Variants in ANKIB1 observed in about 807,000 individuals in gnomAD.
ANKIB1 encodes ankyrin repeat and IBR domain-containing protein 1.
A neutral mutation model predicts 122.1 loss-of-function variants in ANKIB1; 43 were observed. The observed-to-expected ratio is 0.35, with a 90% CI of 0.28 to 0.45. The LOEUF is 0.45. Among genes scored for constraint, ANKIB1 ranks in the 20% least tolerant of loss-of-function variants. The pLI is 1.00. For synonymous variants in ANKIB1, 390 were observed against 442.0 expected, an observed-to-expected ratio of 0.88 and a Z score of 1.48; for missense variants, 992 against 1,329.5, an observed-to-expected ratio of 0.75 and a Z score of 3.95.
chr7:92,274,270 T>C (rs558095096), intron 1 of ANKIB1, among the ~76,000 whole-genome samples: 13 of 152,300 alleles, frequency 8.5e-5, no homozygotes, highest in Middle Eastern at 3.4e-3. Flanking sequence ...AGAGTATAGA[T>C]GTAGTCCCTA....
intron 10 of ANKIB1, among the ~76,000 whole-genome samples, chr7:92,367,868 G>C (rs1168389326): frequency 6.6e-6 from 1 of 152,116 alleles, no homozygotes; most frequent in Admixed American, 6.5e-5. Context: ...TAAAAATTCA[G>C]TCTTTGACTA....
intron 3 of ANKIB1, among the ~76,000 whole-genome samples, chr7:92,309,698 G>A (rs185020154): frequency 2.6e-4 from 40 of 151,464 alleles, no homozygotes; most frequent in Admixed American, 2.4e-3. Context: ...AGGCCGAGGC[G>A]GGCAGATCAC....
At chr7:92,324,202 GTTTATT>G (rs1802974614) in intron 4 of ANKIB1, among the ~76,000 whole-genome samples, 1 of 152,146 alleles carries the variant, frequency 6.6e-6, no homozygotes, top group Non-Finnish European at 1.5e-5. Flanking sequence ...CCTTAAAGTG[GTTTATT>G]TTATGTTATG....
intron 1 of ANKIB1, among the ~76,000 whole-genome samples, chr7:92,292,219 A>T (rs981902410): frequency 6.6e-6 from 1 of 152,224 alleles, no homozygotes; most frequent in African/African-American, 2.4e-5. Flanking sequence ...GACCGTTTAG[A>T]TGATGCATTT....
intron 1 of ANKIB1, among the ~76,000 whole-genome samples, chr7:92,248,357 C>T (rs571097899): frequency 1.9e-4 from 29 of 152,214 alleles, no homozygotes; most frequent in African/African-American, 7.0e-4. Flanking sequence ...TTTTGTTAGC[C>T]ACTCTTTTGT....
At chr7:92,299,444 C>A (rs1250388590) in intron 2 of ANKIB1, among the ~76,000 whole-genome samples, 33 of 152,164 alleles carry the variant, frequency 2.2e-4, no homozygotes, top group Admixed American at 2.2e-3. Flanking sequence ...TACACTGCAA[C>A]TAATCTTTAA....
chr7:92,303,721 A>G (rs1802498978), intron 2 of ANKIB1, among the ~76,000 whole-genome samples: 1 of 152,190 alleles, frequency 6.6e-6, no homozygotes, highest in African/African-American at 2.4e-5. Flanking sequence ...CAGGAGGTAA[A>G]TGAAGCAGTT....
In ANKIB1 at chr7:92,246,544, A is replaced by G. The variant is rs116875932; in HGVS notation, c.-91+25A>G. 1.5e-3 allele frequency: 754 copies of G among 516,908 alleles called. No individual in the cohort carries two copies. The highest frequency in any genetic ancestry group is 2.5e-3 in the Non-Finnish European group (641 of 259,260). The allele number at this position is 516,908 out of a possible 1,614,324, so 32.0% of individuals were successfully genotyped here. A position where few individuals can be genotyped will look rare whatever the true frequency, so the allele number is the denominator to read the frequency against. ...CGTAAGTCTCAGCTTCGCGGTACAGATGTGTTTGAGGCTGCCTCTACCCAT... is the reference window on the plus strand; with the variant it reads ...CGTAAGTCTCAGCTTCGCGGTACAGGTGTGTTTGAGGCTGCCTCTACCCAT... On this transcript the variant is annotated intron_variant, in intron 1 of 19. Transcript: ENST00000265742.
Position 92,362,273 on chromosome 7 carries a change from C to T in ANKIB1, c.1486C>T (p.Leu496Phe), listed in dbSNP as rs748799440. ...AATAACCGAAATGAAACCAGAAGAA[C>T]GTAAGAGGAATTTTAGATAGCTTTG... Reference protein sequence around the residue: ...QKITEMKPEELVGVSEAYEDA... With the variant: ...QKITEMKPEEFVGVSEAYEDA... The change falls in exon 10 of 20, where the codon CTT becomes TTT. Residue 496 changes from leucine to phenylalanine, a missense_variant and splice_region_variant. By Grantham distance (22) the Leu-to-Phe change is conservative. Transcript: ENST00000265742. 7.0e-6 allele frequency: 11 copies of T among 1,581,812 alleles called. No homozygotes were observed. Among genetic ancestry groups the T allele is most frequent in the South Asian group, 1.2e-5 (1 of 86,108 alleles).
At chr7:92,328,608 TC>T (rs1171009115) in intron 5 of ANKIB1, among the ~76,000 whole-genome samples, 2 of 152,078 alleles carry the variant, frequency 1.3e-5, no homozygotes, top group Non-Finnish European at 2.9e-5. Context: ...AAAAGTATTT[TC>T]TGGTTTAAAA....
chr7:92,338,925 AAAAAAAAAATAT>A (rs1245085698), intron 5 of ANKIB1, among the ~76,000 whole-genome samples: 138 of 59,088 alleles, frequency 2.3e-3, no homozygotes, highest in South Asian at 3.7e-3. Context: ...AAAAAAAAAA[AAAAAAAAAATAT>A]ATATATATAT....
chr7:92,278,491 A>G (rs1801950204), intron 1 of ANKIB1, among the ~76,000 whole-genome samples: 2 of 152,236 alleles, frequency 1.3e-5, no homozygotes, highest in South Asian at 4.1e-4. Context: ...ATGCCTCCCT[A>G]GGTGCCAGGT....
intron 1 of ANKIB1, among the ~76,000 whole-genome samples, chr7:92,276,054 A>G (rs1562768193): frequency 6.6e-6 from 1 of 152,220 alleles, no homozygotes; most frequent in Non-Finnish European, 1.5e-5. Flanking sequence ...GCAAAACTAC[A>G]CTTAGTATAT....
At chr7:92,257,136 GC>G (rs918380142) in intron 1 of ANKIB1, among the ~76,000 whole-genome samples, 11 of 151,432 alleles carry the variant, frequency 7.3e-5, no homozygotes, top group Admixed American at 3.3e-4. Context: ...CTTGCAGTGA[GC>G]CGAGTAGATC....
At position 92,398,945 on chromosome 7, in the gene ANKIB1, T is replaced by C. The variant is rs780858494; in HGVS notation, c.3266T>C (p.Val1089Ala). ...SSDWLEQVHL[V>A] Reference sequence around the variant, plus strand: ...GACTGGCTTGAACAAGTACATTTAGTGTGAACTGCACACATCTGGGCTCTA... The same window carrying C: ...GACTGGCTTGAACAAGTACATTTAGCGTGAACTGCACACATCTGGGCTCTA... Residue 1089 changes from valine to alanine, a missense_variant, in exon 20 of 20, where the codon GTG (valine) becomes GCG (alanine). Val to Ala is a moderately conservative substitution (Grantham distance 64). Around this residue, in one of 4 missense-constraint regions of ANKIB1, gnomAD observed 384 missense variants for 412.0 expected, o/e 0.93. Coordinates refer to ENST00000265742, the MANE Select transcript of ANKIB1 (RefSeq NM_019004.2). 1.3e-6 allele frequency: 2 copies of C among 1,570,718 alleles called. No homozygotes were observed. The highest frequency in any genetic ancestry group is 1.7e-6 in the Non-Finnish European group (2 of 1,158,270).
intron 14 of ANKIB1, 103 bp downstream of exon 14, chr7:92,388,144 A>G (rs1804704164): frequency 9.1e-7 from 1 of 1,099,844 alleles, no homozygotes; most frequent in East Asian, 2.6e-5. Flanking sequence ...TATGTTCATT[A>G]GCTTGTTCTG....
At chr7:92,248,310 C>T (rs1037238465) in intron 1 of ANKIB1, among the ~76,000 whole-genome samples, 3 of 152,000 alleles carry the variant, frequency 2.0e-5, no homozygotes, top group Non-Finnish European at 4.4e-5. Context: ...AACAAGGGCT[C>T]TAACAGGTAG....
intron 7 of ANKIB1, among the ~76,000 whole-genome samples, chr7:92,348,460 A>G (rs888702197): frequency 6.8e-6 from 1 of 146,720 alleles, no homozygotes; most frequent in Non-Finnish European, 1.5e-5. Flanking sequence ...ATCTCAGCTC[A>G]CTGTGACCTC....
At chr7:92,350,629 A>C (rs1803641532) in intron 7 of ANKIB1, among the ~76,000 whole-genome samples, 1 of 152,198 alleles carries the variant, frequency 6.6e-6, no homozygotes, top group African/African-American at 2.4e-5. Flanking sequence ...AGGCCAAGGC[A>C]GGAGAATCGC....
Sources: allele counts gnomAD v4.1 joint callset (sites outside exome capture counted in the v4.1 genomes callset), GRCh38; gene constraint gnomAD v4.1.1; regional missense constraint gnomAD v4.1.1; transcripts MANE v1.5; gene names NCBI Gene and HGNC (gene_info 2026-07-23, HGNC 2026-07-21).